PCDHGA8: variants seen among roughly 807,000 people sequenced by gnomAD.
PCDHGA8 encodes protocadherin gamma subfamily A, 8.
PCDHGA8 carries 45 observed loss-of-function variants against 59.2 expected under a neutral mutation model. The observed-to-expected ratio is 0.76, with a 90% CI of 0.60 to 0.98. PCDHGA8 has a LOEUF of 0.98. Ranked by LOEUF, PCDHGA8 falls within the 50% of genes least tolerant of loss-of-function variation. The pLI, the probability that PCDHGA8 is intolerant of heterozygous loss-of-function variation, is 0.00. For missense variants in PCDHGA8, 1,257 were observed against 1,196.2 expected (o/e 1.05, Z -0.75); for synonymous variants, 531 against 519.0 (o/e 1.02, Z -0.32).
chr5:141,433,987 T>C (rs1332689630), intron 1 of PCDHGA8, among the ~76,000 whole-genome samples: 1 of 152,252 alleles, frequency 6.6e-6, no homozygotes, highest in Non-Finnish European at 1.5e-5. Context: ...GAAGAAGAGT[T>C]TTATATTCTC....
rs1364415249 is a variant in PCDHGA8 at position 141,489,240 on chromosome 5, C to A, written c.2425-5567C>A. The stretch of plus-strand genomic sequence containing the variant: ...ACTCTCCACAAAGGGACTTCTGGGT[C>A]ATGGGGCCCAAGACACTCCCACAGC... On this transcript the variant is annotated intron_variant, in intron 1 of 3. Coordinates refer to ENST00000398604, the MANE Select transcript of PCDHGA8 (RefSeq NM_032088.2). The surrounding 1 kb of genome is among the most constrained non-coding windows in gnomAD (Gnocchi z 4.5). 1 of 1,534,136 alleles carries A rather than the reference C, an allele frequency of 6.5e-7. No individual in the cohort carries two copies. Among genetic ancestry groups the A allele is most frequent in the South Asian group, 1.3e-5 (1 of 76,896 alleles).
At chr5:141,402,919 G>T in intron 1 of PCDHGA8, 1 of 1,572,640 alleles carries the variant, frequency 6.4e-7, no homozygotes, top group Non-Finnish European at 8.6e-7. Flanking sequence ...CGCGCACAGA[G>T]ATCCTTTTGA....
chr5:141,418,902 T>A, intron 1 of PCDHGA8: 3 of 1,613,930 alleles, frequency 1.9e-6, no homozygotes, highest in Non-Finnish European at 2.5e-6. Context: ...CCAGAAATAA[T>A]CATCACGTCA....
chr5:141,403,069 A>T (rs747569947), intron 1 of PCDHGA8: 10 of 1,613,954 alleles, frequency 6.2e-6, no homozygotes, highest in Non-Finnish European at 7.6e-6. Context: ...CTGAAGAGAC[A>T]GAAAAGGGCT....
rs757503771 is a variant in PCDHGA8 at position 141,433,052 on chromosome 5, A to C, written c.2424+37815A>C. 31 of 1,614,060 alleles carry C rather than the reference A, an allele frequency of 1.9e-5. No homozygotes were observed. Among genetic ancestry groups the C allele is most frequent in the Non-Finnish European group, 1.8e-5 (21 of 1,180,044 alleles). On this transcript the variant is annotated intron_variant, in intron 1 of 3. Coordinates refer to ENST00000398604, the MANE Select transcript of PCDHGA8 (RefSeq NM_032088.2). ...GGTTTCCCTCACCACGGACTCGCGG[A>C]AGAGTCACCTGATCTTCCCCCAGCC...
chr5:141,408,155 C>T (rs1355335396), intron 1 of PCDHGA8: 2 of 1,511,456 alleles, frequency 1.3e-6, no homozygotes, highest in Non-Finnish European at 1.8e-6. Flanking sequence ...GTAGAGTGCA[C>T]TTTCTCCAAC....
intron 1 of PCDHGA8, chr5:141,422,371 C>A: frequency 6.4e-7 from 1 of 1,567,208 alleles, no homozygotes; most frequent in South Asian, 1.2e-5. Context: ...AGAAAATGGT[C>A]AAGTCTCCTG....
rs577770679 is a variant in PCDHGA8, at chr5:141,458,782, G to A, written c.2425-36025G>A. Reference sequence around the variant, plus strand: ...GGGTCTTGCTGTGTCACACAGGCTGGAGTGCAGTGGTGTGATCTCAGCTCA... The same window carrying A: ...GGGTCTTGCTGTGTCACACAGGCTGAAGTGCAGTGGTGTGATCTCAGCTCA... On this transcript the variant is annotated intron_variant, in intron 1 of 3. Coordinates refer to ENST00000398604, the MANE Select transcript of PCDHGA8 (RefSeq NM_032088.2). 3.3e-5 allele frequency among the ~76,000 whole-genome samples: 5 copies of A among 152,020 alleles called. No homozygotes were observed. In the East Asian group the frequency reaches 9.7e-4, roughly 30 times the overall value.
At chr5:141,501,997 C>A (rs2099812238) in intron 2 of PCDHGA8, among the ~76,000 whole-genome samples, 1 of 152,128 alleles carries the variant, frequency 6.6e-6, no homozygotes, top group Non-Finnish European at 1.5e-5. Context: ...GTCTCCCTGA[C>A]AACCCGCATG....
At chr5:141,402,993 T>C (rs762604393) in intron 1 of PCDHGA8, 3 of 1,613,752 alleles carry the variant, frequency 1.9e-6, no homozygotes, top group Non-Finnish European at 2.5e-6. Context: ...GGAAGATTAG[T>C]CCTGCTATGC....
At chr5:141,497,013 A>G (rs2099773320) in intron 2 of PCDHGA8, among the ~76,000 whole-genome samples, 1 of 151,990 alleles carries the variant, frequency 6.6e-6, no homozygotes, top group Admixed American at 6.6e-5. Context: ...ACATGGTGAA[A>G]CCCCATCTCG....
intron 2 of PCDHGA8, among the ~76,000 whole-genome samples, chr5:141,504,997 AC>A (rs554150488): frequency 9.9e-5 from 15 of 152,238 alleles, no homozygotes; most frequent in African/African-American, 2.9e-4. Flanking sequence ...CCCCGTCTGT[AC>A]TAAAAATACA....
At position 141,491,561 on chromosome 5, in the gene PCDHGA8, A is replaced by C. The variant is rs1289732955; in HGVS notation, c.2425-3246A>C. The C allele has an allele frequency of 1.2e-6, 2 of 1,613,938 alleles. No homozygotes were observed. Among genetic ancestry groups the C allele is most frequent in the Admixed American group, 3.3e-5 (2 of 60,016 alleles). On this transcript the variant is annotated intron_variant, in intron 1 of 3. Transcript: ENST00000398604. This position sits in a 1 kb window ranked among gnomAD's most constrained non-coding sequence, Gnocchi z 6.9. ...CCCACAGACTCGCAGAGCCACTGCT[A>C]CAGGACGTGCTTTTCACCGGCCTCG...
At chr5:141,405,083 C>T in intron 1 of PCDHGA8, 1 of 1,613,942 alleles carries the variant, frequency 6.2e-7, no homozygotes, top group Non-Finnish European at 8.5e-7. Flanking sequence ...CGTTATCACG[C>T]TGCTGGCCCT....
At chr5:141,408,600 T>C (rs761951478) in intron 1 of PCDHGA8, 7 of 1,613,998 alleles carry the variant, frequency 4.3e-6, no homozygotes, top group Non-Finnish European at 4.2e-6. Flanking sequence ...GCCCCTCAAT[T>C]TGATAAAAAG....
chr5:141,503,812 G>C (rs2099831825), intron 2 of PCDHGA8, among the ~76,000 whole-genome samples: 1 of 152,114 alleles, frequency 6.6e-6, no homozygotes, highest in South Asian at 2.1e-4. Context: ...GGGAATCCCA[G>C]ATTGGGCAAA....
intron 1 of PCDHGA8, chr5:141,478,582 G>T: frequency 1.3e-6 from 2 of 1,579,988 alleles, no homozygotes; most frequent in Non-Finnish European, 1.7e-6. Context: ...CCCTGTTAGT[G>T]CTTTTTTATT....
rs367765478 is a variant in PCDHGA8 at position 141,394,269 on chromosome 5, C to G, written c.1456C>G (p.Gln486Glu). 17 of 1,613,830 alleles carry G rather than the reference C, an allele frequency of 1.1e-5. No individual in the cohort carries two copies. The highest frequency in any genetic ancestry group is 1.7e-5 in the Admixed American group (1 of 59,996). The part of the protein sequence containing the change: ...AHDPDSQENA[Q>E]VTYSVTEDTL... The stretch of plus-strand genomic sequence containing the variant: ...CGACCCCGACAGCCAGGAGAATGCC[C>G]AGGTCACTTACTCTGTGACCGAGGA... The change falls in exon 1 of 4, where the codon CAG (glutamine) becomes GAG (glutamate). Residue 486 changes from glutamine (Q) to glutamate (E), a missense_variant. Physicochemically the swap from Gln to Glu is conservative, Grantham distance 29. Coordinates refer to ENST00000398604, the MANE Select transcript of PCDHGA8 (RefSeq NM_032088.2).
chr5:141,431,674 G>A lies in PCDHGA8; in HGVS notation c.2424+36437G>A, dbSNP rs756385496. ...ATTCAGGGACAATATCAACAATAGG[G>A]GAGTTGGACCACGAGGAGTCAGGAT... On this transcript the variant is annotated intron_variant, in intron 1 of 3. Transcript: ENST00000398604. The surrounding 1 kb of genome is among the most constrained non-coding windows in gnomAD (Gnocchi z 4.8). 4 of 1,614,234 alleles carry A rather than the reference G, an allele frequency of 2.5e-6. No individual in the cohort carries two copies. The Admixed American group carries it at 6.7e-5, about 27-fold the overall frequency.
Sources: gnomAD v4.1 joint callset for allele counts (sites outside exome capture counted in the v4.1 genomes callset) on GRCh38, gnomAD v4.1.1 for gene constraint, Gnocchi (gnomAD v3.1) non-coding constraint, MANE v1.5 for transcripts, NCBI Gene and HGNC (gene_info 2026-07-23, HGNC 2026-07-21) for gene names.